UNC13C: variants seen among roughly 807,000 people sequenced by gnomAD.
UNC13C encodes unc-13 homolog C, also known as protein unc-13 homolog C.
UNC13C carries 174 observed loss-of-function variants against 245.4 expected under a neutral mutation model. The ratio of observed to expected loss-of-function variants is 0.71; its 90% CI spans 0.63 to 0.80. The LOEUF (loss-of-function observed/expected upper bound fraction) is 0.80. Among genes scored for constraint, UNC13C ranks in the 30% least tolerant of loss-of-function variants. The probability of loss-of-function intolerance (pLI) is 0.00; values close to 1 mark genes in which losing one functional copy is unlikely to be tolerated. For synonymous variants in UNC13C, 992 were observed against 895.1 expected, an observed-to-expected ratio of 1.11 and a Z score of -1.93; for missense variants, 2,829 against 2,602.9, an observed-to-expected ratio of 1.09 and a Z score of -1.89.
intron 4 of UNC13C, among the ~76,000 whole-genome samples, chr15:54,211,862 A>G (rs1271660109): frequency 1.3e-5 from 2 of 152,078 alleles, no homozygotes; most frequent in Non-Finnish European, 2.9e-5. Flanking sequence ...GTTATTTTTC[A>G]ACCCTTCCAA....
intron 10 of UNC13C, among the ~76,000 whole-genome samples, chr15:54,282,039 C>T (rs1458984119): frequency 6.6e-6 from 1 of 152,044 alleles, no homozygotes; most frequent in Non-Finnish European, 1.5e-5. Context: ...TGTATGGGTA[C>T]ACTACATTTT....
chr15:54,133,519 C>G (rs1236259892), intron 2 of UNC13C, among the ~76,000 whole-genome samples: 1 of 152,086 alleles, frequency 6.6e-6, no homozygotes, highest in Non-Finnish European at 1.5e-5. Flanking sequence ...GGGGAAGTTT[C>G]ACTATAAAGT....
At chr15:54,549,861 T>A (rs114265916) in intron 28 of UNC13C, among the ~76,000 whole-genome samples, 170 bp downstream of exon 28, 261 of 152,334 alleles carry the variant, frequency 1.7e-3, no homozygotes, top group African/African-American at 6.0e-3. Context: ...GCATTTAGCA[T>A]TATTGCTTCT....
At chr15:54,142,753 A>G (rs529680254) in intron 2 of UNC13C, among the ~76,000 whole-genome samples, 1 of 152,232 alleles carries the variant, frequency 6.6e-6, no homozygotes, top group South Asian at 2.1e-4. Flanking sequence ...TTCTTCAACT[A>G]TGTTCTTTTC....
intron 29 of UNC13C, among the ~76,000 whole-genome samples, chr15:54,566,180 C>A (rs775671799): frequency 6.6e-6 from 1 of 152,016 alleles, no homozygotes; most frequent in Non-Finnish European, 1.5e-5. Flanking sequence ...AGCACCCCAC[C>A]ACCCTTCTAG....
intron 17 of UNC13C, among the ~76,000 whole-genome samples, chr15:54,387,817 A>C (rs1380860626): frequency 6.6e-6 from 1 of 152,270 alleles, no homozygotes; most frequent in African/African-American, 2.4e-5. Context: ...GCTTACATCT[A>C]TCTTGCTTTC....
chr15:54,212,275 C>T lies in UNC13C; in HGVS notation c.3072-22755C>T, dbSNP rs148206509. Among the ~76,000 whole-genome samples the T allele has an allele frequency of 6.8e-3, 1,040 of 152,164 alleles. 11 individuals are homozygous for T. The highest frequency in any genetic ancestry group is 0.011 in the South Asian group (53 of 4,828). On this transcript the variant is annotated intron_variant, in intron 4 of 32. Transcript: ENST00000260323. ...ATGGGAGAGGTGTTATGGACAAACA[C>T]CAAGCAGGCATGCGCCCAAAGGAAA...
chr15:54,372,965 A>G (rs1183003640), intron 17 of UNC13C, among the ~76,000 whole-genome samples: 1 of 152,202 alleles, frequency 6.6e-6, no homozygotes, highest in Non-Finnish European at 1.5e-5. Context: ...AGCTCTAGAG[A>G]GACATACCTG....
intron 1 of UNC13C, among the ~76,000 whole-genome samples, chr15:53,988,822 G>T (rs370929438): frequency 6.6e-6 from 1 of 151,992 alleles, no homozygotes; most frequent in Non-Finnish European, 1.5e-5. Context: ...GGCAGGGTCT[G>T]TTGCTGTTTG....
intron 2 of UNC13C, among the ~76,000 whole-genome samples, chr15:54,106,688 T>A (rs1325318797): frequency 6.6e-6 from 1 of 152,192 alleles, no homozygotes; most frequent in Non-Finnish European, 1.5e-5. Flanking sequence ...CCTCAGTCAT[T>A]CTATCCTTCC....
At position 54,048,715 on chromosome 15, in the gene UNC13C, T is replaced by C. The variant is rs74554622; in HGVS notation, c.2983+32829T>C. ...CAAAGTCTTACATCATCTTCCCATT[T>C]TGAACTGCCTCCATATTCAGGGAGA... On this transcript the variant is annotated intron_variant, in intron 2 of 32. Transcript: ENST00000260323. 2.3e-3 allele frequency: 651 copies of C among 287,118 alleles called. 16 individuals carry two copies. The highest frequency in any genetic ancestry group is 0.022 in the South Asian group (509 of 23,306). The allele number at this position is 287,118 out of a possible 1,614,324, so 17.8% of individuals were successfully genotyped here. A position where few individuals can be genotyped will look rare whatever the true frequency, so the allele number is the denominator to read the frequency against.
chr15:53,921,171 G>A, the UNC13C span, among the ~76,000 whole-genome samples: 1 of 152,028 alleles, frequency 6.6e-6, no homozygotes, highest in Non-Finnish European at 1.5e-5. Context: ...TCTATGACAG[G>A]AAAGAACATT....
intron 17 of UNC13C, among the ~76,000 whole-genome samples, chr15:54,383,236 C>CA (rs1382579526): frequency 6.6e-6 from 1 of 151,978 alleles, no homozygotes; most frequent in Non-Finnish European, 1.5e-5. Flanking sequence ...AAGATACACA[C>CA]AAAAAAGCTA....
chr15:54,054,462 G>C (rs924216857), intron 2 of UNC13C, among the ~76,000 whole-genome samples: 5 of 152,148 alleles, frequency 3.3e-5, no homozygotes, highest in African/African-American at 1.2e-4. Context: ...ACAGAATTTT[G>C]TGAATAGAAT....
chr15:54,220,911 TG>T (rs1443945851), intron 4 of UNC13C, among the ~76,000 whole-genome samples: 1 of 151,962 alleles, frequency 6.6e-6, no homozygotes, highest in Non-Finnish European at 1.5e-5. Context: ...GTTTGCTACT[TG>T]GGATGAAAAA....
the UNC13C span, among the ~76,000 whole-genome samples, chr15:53,844,956 A>G: frequency 6.6e-6 from 1 of 152,162 alleles, no homozygotes; most frequent in Non-Finnish European, 1.5e-5. Flanking sequence ...GTTTATATCC[A>G]GGTGTTAAAG....
chr15:54,516,381 C>T (rs1453727201), intron 24 of UNC13C, among the ~76,000 whole-genome samples: 2 of 152,246 alleles, frequency 1.3e-5, no homozygotes, highest in African/African-American at 2.4e-5. Flanking sequence ...TGAACTCTAC[C>T]CCCAGTGTAT....
chr15:54,409,477 C>T (rs907436671), intron 18 of UNC13C, among the ~76,000 whole-genome samples: 1 of 152,006 alleles, frequency 6.6e-6, no homozygotes, highest in Non-Finnish European at 1.5e-5. Flanking sequence ...TTCCATCACC[C>T]AGATGATAAG....
At chr15:54,060,806 A>G (rs373432912) in intron 2 of UNC13C, among the ~76,000 whole-genome samples, 1 of 152,174 alleles carries the variant, frequency 6.6e-6, no homozygotes, top group African/African-American at 2.4e-5. Flanking sequence ...TGATGAGTTC[A>G]TGTCCTTTGT....
Sources: allele counts gnomAD v4.1 joint callset (sites outside exome capture counted in the v4.1 genomes callset), GRCh38; gene constraint gnomAD v4.1.1; transcripts MANE v1.5; gene names NCBI Gene and HGNC (gene_info 2026-07-23, HGNC 2026-07-21).